QPCTL: variants seen among roughly 807,000 people sequenced by gnomAD.
QPCTL encodes glutaminyl-peptide cyclotransferase-like protein.
QPCTL carries 31 observed loss-of-function variants against 34.6 expected under a neutral mutation model. That is an observed-to-expected ratio of 0.90 (90% CI 0.67 to 1.21). QPCTL has a LOEUF of 1.21. QPCTL is among the 50% of genes most tolerant of loss of function. The pLI is 0.00. For missense variants in QPCTL, 474 were observed against 507.8 expected, an observed-to-expected ratio of 0.93 and a Z score of 0.64; for synonymous variants, 223 against 226.9, an observed-to-expected ratio of 0.98 and a Z score of 0.15.
chr19:45,699,871 G>A (rs2146130937), intron 5 of QPCTL, among the ~76,000 whole-genome samples: 1 of 148,444 alleles, frequency 6.7e-6, no homozygotes, highest in South Asian at 2.1e-4. Flanking sequence ...GGCGGAGGTT[G>A]CAGTGAGCCG....
chr19:45,702,495 G>A (rs1440114700), intron 6 of QPCTL, among the ~76,000 whole-genome samples: 3 of 151,534 alleles, frequency 2.0e-5, no homozygotes, highest in Non-Finnish European at 4.4e-5. Flanking sequence ...TGGGCATGGT[G>A]GCTCACACCT....
At chr19:45,699,549 A>G (rs1967770771) in intron 5 of QPCTL, among the ~76,000 whole-genome samples, 1 of 152,188 alleles carries the variant, frequency 6.6e-6, no homozygotes, top group East Asian at 1.9e-4. Context: ...CTGTAATCCC[A>G]GCACTTTGAG....
At position 45,702,897 on chromosome 19, in the gene QPCTL, A is replaced by C; in HGVS notation, c.1004-7A>C. 1 of 1,613,956 alleles carries C rather than the reference A, an allele frequency of 6.2e-7. No individual in the cohort carries two copies. Among genetic ancestry groups the C allele is most frequent in the Non-Finnish European group, 8.5e-7 (1 of 1,179,972 alleles). ...TGGACCTGACAAAGTCTCCTCTGTC[A>C]CTTCAGGGGTACCCGTGCTCCATCT... On this transcript the variant is annotated splice_polypyrimidine_tract_variant and splice_region_variant and intron_variant, in intron 6 of 6. Transcript: ENST00000012049.
At chr19:45,698,778 C>G in intron 4 of QPCTL, 23 bp from the exon 5 acceptor site, 3 of 1,613,554 alleles carry the variant, frequency 1.9e-6, no homozygotes, top group Non-Finnish European at 2.5e-6. Context: ...ACGGGCCCCT[C>G]CAGTCCTAGC....
chr19:45,700,354 A>C (rs111580127), intron 5 of QPCTL, among the ~76,000 whole-genome samples: 1 of 151,510 alleles, frequency 6.6e-6, no homozygotes, highest in Non-Finnish European at 1.5e-5. Flanking sequence ...CTCAGGCAGA[A>C]GAATCGCTTG....
At chr19:45,697,619 G>T (rs1021401066) in intron 3 of QPCTL, among the ~76,000 whole-genome samples, 2 of 152,074 alleles carry the variant, frequency 1.3e-5, no homozygotes, top group Non-Finnish European at 2.9e-5. Flanking sequence ...GCCTTGCCCT[G>T]TGTTGCTCCC....
chr19:45,695,465 C>T lies in QPCTL; in HGVS notation c.380C>T (p.Thr127Ile). ...KFLEATLRSL[T>I]AGWHVELDPF... ...CTGGAGGCCACGCTGCGGTCCCTGA[C>T]AGCAGGTTGGCACGTGGAGCTGGAT... Residue 127 changes from threonine to isoleucine, a missense_variant, in exon 3 of 7, where the codon ACA becomes ATA. Transcript: ENST00000012049. 1.2e-6 allele frequency: 2 copies of T among 1,613,476 alleles called. No individual in the cohort carries two copies. The highest frequency in any genetic ancestry group is 1.7e-6 in the Non-Finnish European group (2 of 1,179,598).
intron 3 of QPCTL, among the ~76,000 whole-genome samples, chr19:45,696,976 C>G (rs904252178): frequency 1.3e-5 from 2 of 151,882 alleles, no homozygotes; most frequent in Non-Finnish European, 2.9e-5. Context: ...CAAAAATTAG[C>G]TGGGTATGGT....
At chr19:45,693,875 G>T (rs1004894654) in intron 2 of QPCTL, among the ~76,000 whole-genome samples, 13 of 152,182 alleles carry the variant, frequency 8.5e-5, no homozygotes, top group Admixed American at 4.6e-4. Flanking sequence ...CAGATAATAA[G>T]TAGTAGACCT....
At position 45,692,780 on chromosome 19, in the gene QPCTL, A is replaced by G; in HGVS notation, c.77A>G (p.Lys26Arg). Reference sequence around the variant, plus strand: ...CTCATGGAGCCACTCTTGCCGCCGAAGCGCCGCCTGCTACCGCGGGTTCGG... The same window carrying G: ...CTCATGGAGCCACTCTTGCCGCCGAGGCGCCGCCTGCTACCGCGGGTTCGG... ...RGLMEPLLPP[K>R]RRLLPRVRLL... is the part of the protein sequence containing the mutation. Residue 26 changes from lysine (K) to arginine (R), a missense_variant, in exon 1 of 7, where the codon AAG becomes AGG. Transcript: ENST00000012049. 6.3e-7 allele frequency: 1 copy of G among 1,588,492 alleles called. No homozygotes were observed. Among genetic ancestry groups the G allele is most frequent in the Non-Finnish European group, 8.6e-7 (1 of 1,167,342 alleles).
chr19:45,703,365 GT>G lies in QPCTL; in HGVS notation c.*317del, dbSNP rs950242098. 1 of 234,116 alleles carries G rather than the reference GT, an allele frequency of 4.3e-6. No homozygotes were observed. The highest frequency in any genetic ancestry group is 2.3e-5 in the African/African-American group (1 of 43,554). The allele number at this position is 234,116 out of a possible 1,614,324, so 14.5% of individuals were successfully genotyped here. A position where few individuals can be genotyped will look rare whatever the true frequency, so the allele number is the denominator to read the frequency against. On this transcript the variant is annotated 3_prime_UTR_variant, in exon 7 of 7. Coordinates refer to ENST00000012049, the MANE Select transcript of QPCTL (RefSeq NM_017659.4). The stretch of plus-strand genomic sequence containing the variant: ...TTTTTTTTTGAGACGGAGTCTCACT[GT>G]GTTGCCCAGGCTGGAGTGCAGTGGT...
chr19:45,698,363 G>GAT (rs1257012669), intron 3 of QPCTL, 184 bp from the exon 4 acceptor site: 2 of 665,428 alleles, frequency 3.0e-6, no homozygotes, highest in Admixed American at 6.0e-5. Flanking sequence ...TTGTTATGAA[G>GAT]CAGCCAAGTA....
intron 5 of QPCTL, 149 bp from the exon 6 acceptor site, chr19:45,701,649 T>G: frequency 1.6e-6 from 1 of 632,452 alleles, no homozygotes; most frequent in Non-Finnish European, 2.8e-6. Flanking sequence ...AGGAACATAG[T>G]GAGCCCACAG....
At chr19:45,698,510 T>C in intron 3 of QPCTL, 37 bp from the exon 4 acceptor site, 2 of 1,612,062 alleles carry the variant, frequency 1.2e-6, no homozygotes, top group Non-Finnish European at 1.7e-6. Flanking sequence ...GGGCTAGTCC[T>C]GAGCTGGCTC....
At chr19:45,697,450 A>G (rs528603177) in intron 3 of QPCTL, among the ~76,000 whole-genome samples, 1 of 151,922 alleles carries the variant, frequency 6.6e-6, no homozygotes, top group Non-Finnish European at 1.5e-5. Flanking sequence ...GAAAGAAAAA[A>G]AAGAAAAGAA....
intron 6 of QPCTL, among the ~76,000 whole-genome samples, 167 bp downstream of exon 6, chr19:45,702,081 A>T (rs1056760752): frequency 2.6e-5 from 4 of 152,104 alleles, no homozygotes; most frequent in Non-Finnish European, 5.9e-5. Context: ...ATCTTAGAGT[A>T]TTGTTGAGGG....
In QPCTL at chr19:45,694,802, C is replaced by T. The variant is rs1021618839; in HGVS notation, c.352-635C>T. On this transcript the variant is annotated intron_variant, in intron 2 of 6. Coordinates refer to ENST00000012049, the MANE Select transcript of QPCTL (RefSeq NM_017659.4). The stretch of plus-strand genomic sequence containing the variant: ...TTTCTTAACCTCTCTGAGCCCATTT[C>T]CTCATCTGTAAAATGGGGTCATGTA... Among the ~76,000 whole-genome samples the T allele has an allele frequency of 3.3e-5, 5 of 152,160 alleles. No individual in the cohort carries two copies. In the East Asian group the frequency reaches 5.8e-4, roughly 18 times the overall value.
rs1220335938 is a variant in QPCTL, at chr19:45,701,784, G to A, written c.887-14G>A. On this transcript the variant is annotated splice_polypyrimidine_tract_variant and intron_variant, in intron 5 of 6. Coordinates refer to ENST00000012049, the MANE Select transcript of QPCTL (RefSeq NM_017659.4). ...AAGGACTAACCCTTCCTCTCTAATC[G>A]CCCCCACTTCCAGAGAAGCGTCTGC... 1.1e-5 allele frequency: 17 copies of A among 1,594,552 alleles called. No individual in the cohort carries two copies. Among genetic ancestry groups the A allele is most frequent in the African/African-American group, 6.7e-5 (5 of 74,112 alleles).
chr19:45,701,303 T>C (rs1231212495), intron 5 of QPCTL, among the ~76,000 whole-genome samples: 1 of 149,676 alleles, frequency 6.7e-6, no homozygotes, highest in African/African-American at 2.5e-5. Context: ...GGAGACAGAA[T>C]CTTACTCTGT....
Sources: gnomAD v4.1 joint callset for allele counts (sites outside exome capture counted in the v4.1 genomes callset) on GRCh38, gnomAD v4.1.1 for gene constraint, MANE v1.5 for transcripts, NCBI Gene and HGNC (gene_info 2026-07-23, HGNC 2026-07-21) for gene names.